Variants in SERPINI1 observed in about 807,000 individuals in gnomAD.
SERPINI1 encodes neuroserpin.
A neutral mutation model predicts 41.1 loss-of-function variants in SERPINI1; 19 were observed. That is an observed-to-expected ratio of 0.46 (90% CI 0.32 to 0.68). The LOEUF (loss-of-function observed/expected upper bound fraction) is 0.68, where lower values mean the gene tolerates loss of function less well. SERPINI1 is among the 30% of genes least tolerant of loss of function. The pLI is 0.03. For synonymous variants in SERPINI1, 138 were observed against 156.6 expected (o/e 0.88, Z 0.89); for missense variants, 460 against 479.2 (o/e 0.96, Z 0.37).
At chr3:167,811,368 G>A (rs551253345) in intron 6 of SERPINI1, among the ~76,000 whole-genome samples, 2 of 150,984 alleles carry the variant, frequency 1.3e-5, no homozygotes, top group South Asian at 4.2e-4. Context: ...ACTGGAGAAA[G>A]CATGTGGAAA....
At chr3:167,739,929 G>T (rs1725619217) in intron 1 of SERPINI1, among the ~76,000 whole-genome samples, 1 of 151,614 alleles carries the variant, frequency 6.6e-6, no homozygotes, top group African/African-American at 2.4e-5. Context: ...ATTAATTGTA[G>T]CACATATTTA....
intron 8 of SERPINI1, 75 bp from the exon 9 acceptor site, chr3:167,825,172 T>C: frequency 2.1e-6 from 2 of 962,108 alleles, no homozygotes. Flanking sequence ...TTTTCATTAA[T>C]TGTAAGCAAG....
At chr3:167,820,219 G>A (rs1324263118) in intron 6 of SERPINI1, among the ~76,000 whole-genome samples, 1 of 152,194 alleles carries the variant, frequency 6.6e-6, no homozygotes, top group Non-Finnish European at 1.5e-5. Flanking sequence ...GGCAGTGGTG[G>A]CCTGTCTGGA....
intron 6 of SERPINI1, among the ~76,000 whole-genome samples, chr3:167,810,485 A>G (rs912236415): frequency 6.6e-6 from 1 of 152,214 alleles, no homozygotes; most frequent in Non-Finnish European, 1.5e-5. Flanking sequence ...ACACTATACC[A>G]TAGTCTATTA....
At chr3:167,821,051 G>A (rs1035590096) in intron 6 of SERPINI1, among the ~76,000 whole-genome samples, 7 of 152,026 alleles carry the variant, frequency 4.6e-5, no homozygotes, top group South Asian at 2.1e-4. Context: ...GGGACAACCC[G>A]CCTGCAGAGA....
intron 1 of SERPINI1, among the ~76,000 whole-genome samples, chr3:167,743,454 TA>T (rs1373298865): frequency 6.6e-6 from 1 of 152,212 alleles, no homozygotes; most frequent in African/African-American, 2.4e-5. Flanking sequence ...TCTCTGCCTA[TA>T]AAACTCTCAT....
chr3:167,754,201 A>G (rs1328003839), intron 1 of SERPINI1, among the ~76,000 whole-genome samples: 1 of 152,216 alleles, frequency 6.6e-6, no homozygotes, highest in Non-Finnish European at 1.5e-5. Context: ...GGATAAAGGA[A>G]TAAAGGTCAG....
intron 6 of SERPINI1, among the ~76,000 whole-genome samples, chr3:167,811,922 T>C (rs1318500317): frequency 6.6e-6 from 1 of 152,206 alleles, no homozygotes; most frequent in Non-Finnish European, 1.5e-5. Context: ...ACTATCATTA[T>C]ATTGTTACTT....
chr3:167,804,477 A>AT (rs1560013949), intron 5 of SERPINI1, among the ~76,000 whole-genome samples: 1 of 152,214 alleles, frequency 6.6e-6, no homozygotes, highest in Non-Finnish European at 1.5e-5. Flanking sequence ...AAAGTGAAGC[A>AT]TTTTGTTCTA....
At chr3:167,750,574 G>T (rs1726011290) in intron 1 of SERPINI1, among the ~76,000 whole-genome samples, 1 of 152,172 alleles carries the variant, frequency 6.6e-6, no homozygotes, top group South Asian at 2.1e-4. Context: ...ATCCAGAACT[G>T]CTTCACTGTT....
chr3:167,777,349 C>T (rs921549823), intron 1 of SERPINI1, among the ~76,000 whole-genome samples: 1 of 152,162 alleles, frequency 6.6e-6, no homozygotes, highest in Non-Finnish European at 1.5e-5. Flanking sequence ...ACAAAATATT[C>T]AAGTATTTTA....
At chr3:167,779,143 G>T (rs1325093574) in intron 1 of SERPINI1, among the ~76,000 whole-genome samples, 7 of 152,072 alleles carry the variant, frequency 4.6e-5, no homozygotes, top group Non-Finnish European at 1.0e-4. Context: ...TACCTTCCTA[G>T]TCTAATTATT....
chr3:167,737,393 A>G (rs1359638820), intron 1 of SERPINI1, among the ~76,000 whole-genome samples: 3 of 152,134 alleles, frequency 2.0e-5, no homozygotes, highest in Admixed American at 6.5e-5. Context: ...CTTAACCACT[A>G]TAAGGATCAG....
intron 1 of SERPINI1, among the ~76,000 whole-genome samples, chr3:167,779,471 A>G (rs1727054666): frequency 6.6e-6 from 1 of 152,178 alleles, no homozygotes; most frequent in South Asian, 2.1e-4. Context: ...CTATACATGT[A>G]TATTGTGCAT....
chr3:167,765,531 C>T (rs1341922845), intron 1 of SERPINI1, among the ~76,000 whole-genome samples: 1 of 152,250 alleles, frequency 6.6e-6, no homozygotes, highest in Non-Finnish European at 1.5e-5. Flanking sequence ...TCCTAGGCCT[C>T]TGGGCCTGTA....
chr3:167,740,724 G>A (rs1269224466), intron 1 of SERPINI1, among the ~76,000 whole-genome samples: 1 of 152,096 alleles, frequency 6.6e-6, no homozygotes, highest in Admixed American at 6.5e-5. Context: ...GCTTGTGTGC[G>A]TGTGTGTGTG....
chr3:167,753,643 C>T lies in SERPINI1; in HGVS notation c.-19+17820C>T, dbSNP rs546123532. ...TTTCAAACTACCTAAACTTATACTT[C>T]ATGTCCAGTGCCTACTACAGACTGG... On this transcript the variant is annotated intron_variant, in intron 1 of 8. Coordinates refer to ENST00000446050, the MANE Select transcript of SERPINI1 (RefSeq NM_001122752.2). Among the ~76,000 whole-genome samples the T allele has an allele frequency of 2.0e-5, 3 of 152,248 alleles. No individual in the cohort carries two copies. In the South Asian group the frequency reaches 6.2e-4, roughly 32 times the overall value.
Position 167,809,363 on chromosome 3 carries a change from A to T in SERPINI1, c.979+2022A>T, listed in dbSNP as rs891926007. On this transcript the variant is annotated intron_variant, in intron 6 of 8. Coordinates refer to ENST00000446050, the MANE Select transcript of SERPINI1 (RefSeq NM_001122752.2). ...GGCTCTATTTTCAGTTTGATTAGTA[A>T]TTCCTCACTGTCTCACCCAAACATC... is the stretch of plus-strand genomic sequence containing the variant. 1.5e-4 allele frequency among the ~76,000 whole-genome samples: 23 copies of T among 152,196 alleles called. 1 individual carries two copies. Among genetic ancestry groups the T allele is most frequent in the African/African-American group, 5.5e-4 (23 of 41,458 alleles).
intron 5 of SERPINI1, among the ~76,000 whole-genome samples, chr3:167,805,621 A>G (rs9831578): frequency 0.014 from 2,137 of 152,262 alleles, 25 homozygotes; most frequent in Admixed American, 0.023. Flanking sequence ...GCCCATGCCT[A>G]TGTCCTGAAT....
Sources: gnomAD v4.1 joint callset for allele counts (sites outside exome capture counted in the v4.1 genomes callset) on GRCh38, gnomAD v4.1.1 for gene constraint, MANE v1.5 for transcripts, NCBI Gene and HGNC (gene_info 2026-07-23, HGNC 2026-07-21) for gene names.